The following RERE variants were observed in gnomAD, a reference collection of about 807,000 sequenced individuals.
RERE encodes arginine-glutamic acid dipeptide repeats protein.
In RERE, 40 loss-of-function variants were observed where a neutral mutation model predicts 146.1. The ratio of observed to expected loss-of-function variants is 0.27; its 90% CI spans 0.21 to 0.36. The LOEUF is 0.36. Among genes scored for constraint, RERE ranks in the 10% least tolerant of loss-of-function variants. The pLI is 1.00. For missense variants in RERE, 1,933 were observed against 2,138.7 expected, an observed-to-expected ratio of 0.90 and a Z score of 1.90; for synonymous variants, 1,003 against 866.0, an observed-to-expected ratio of 1.16 and a Z score of -2.78.
At chr1:8,390,016 G>A (rs534949203) in intron 12 of RERE, among the ~76,000 whole-genome samples, 27 of 152,198 alleles carry the variant, frequency 1.8e-4, no homozygotes, top group Non-Finnish European at 3.5e-4. Context: ...AATACATCAC[G>A]GGTTAAGAAC....
chr1:8,358,323 C>T lies in RERE; in HGVS notation c.4212G>A (p.Glu1404=). 1.2e-6 allele frequency: 2 copies of T among 1,613,584 alleles called. No individual in the cohort carries two copies. Among genetic ancestry groups the T allele is most frequent in the South Asian group, 2.2e-5 (2 of 91,086 alleles). ...DRLAAERIHA[E]RMASLTSDPL... ...GATCGCTGGTCAGCGATGCCATGCG[C>T]TCTGCGTGGATACGCTCGGCTGCCA... Residue 1404 remains glutamate, a synonymous_variant, in exon 20 of 23, where the codon GAG becomes GAA. Coordinates refer to ENST00000400908, the MANE Select transcript of RERE (RefSeq NM_001042681.2).
At chr1:8,402,340 A>G (rs1643290933) in intron 12 of RERE, among the ~76,000 whole-genome samples, 1 of 152,204 alleles carries the variant, frequency 6.6e-6, no homozygotes, top group Non-Finnish European at 1.5e-5. Context: ...AAATGTGAGT[A>G]AAGAAGATCA....
At chr1:8,597,335 C>T (rs558542656) in intron 4 of RERE, among the ~76,000 whole-genome samples, 15 of 152,162 alleles carry the variant, frequency 9.9e-5, no homozygotes, top group African/African-American at 3.1e-4. Context: ...GCAATCCACC[C>T]GCTGCCTCAG....
intron 1 of RERE, among the ~76,000 whole-genome samples, chr1:8,710,666 C>A (rs1457549523): frequency 6.6e-6 from 1 of 152,046 alleles, no homozygotes; most frequent in Non-Finnish European, 1.5e-5. Flanking sequence ...CTACAGGTGC[C>A]CACCACGCCC....
In RERE at chr1:8,558,022, T is replaced by A. The variant is rs559531549; in HGVS notation, c.523-499A>T. Among the ~76,000 whole-genome samples, 3 of 152,246 alleles carry A rather than the reference T, an allele frequency of 2.0e-5. No individual in the cohort carries two copies. The South Asian group carries it at 6.2e-4, about 32-fold the overall frequency. ...AGGTTTGCCTATTACCCAGACTAAA[T>A]CAGATTCTCCTTCCACTGTTTAGCC... is the stretch of plus-strand genomic sequence containing the variant. On this transcript the variant is annotated intron_variant, in intron 4 of 22. Transcript: ENST00000400908.
chr1:8,756,674 A>G (rs879823198), intron 1 of RERE, among the ~76,000 whole-genome samples: 2 of 152,220 alleles, frequency 1.3e-5, no homozygotes, highest in Non-Finnish European at 2.9e-5. Context: ...ATCTTTTTGA[A>G]AGTTTTCTTT....
intron 3 of RERE, among the ~76,000 whole-genome samples, chr1:8,615,108 G>C (rs1483645206): frequency 6.6e-6 from 1 of 152,228 alleles, no homozygotes. Context: ...TCTAATGACA[G>C]AAGCTAGAGA....
At chr1:8,775,337 C>T (rs919777489) in intron 1 of RERE, among the ~76,000 whole-genome samples, 13 of 152,012 alleles carry the variant, frequency 8.6e-5, no homozygotes, top group African/African-American at 2.7e-4. Context: ...TTTGGGAGGC[C>T]GAAGCAGGAA....
chr1:8,731,834 G>C, intron 1 of RERE, among the ~76,000 whole-genome samples: 1 of 151,940 alleles, frequency 6.6e-6, no homozygotes, highest in East Asian at 1.9e-4. Context: ...GAAGAGTCTT[G>C]CGCTGTCACC....
At chr1:8,706,000 C>CA (rs1252393448) in intron 1 of RERE, among the ~76,000 whole-genome samples, 1 of 150,830 alleles carries the variant, frequency 6.6e-6, no homozygotes, top group Non-Finnish European at 1.5e-5. Context: ...CCTGTAGTCC[C>CA]AGCTACTAGG....
intron 11 of RERE, among the ~76,000 whole-genome samples, chr1:8,455,575 G>A (rs1365146708): frequency 6.6e-6 from 1 of 152,110 alleles, no homozygotes; most frequent in Non-Finnish European, 1.5e-5. Context: ...CTACTGAGAG[G>A]AAAAGAACAG....
At chr1:8,607,534 C>CTTTTTTTTTTATTTTTTTTTTTTTT (rs1646733684) in intron 4 of RERE, among the ~76,000 whole-genome samples, 1 of 48,584 alleles carries the variant, frequency 2.1e-5, no homozygotes, top group Non-Finnish European at 3.5e-5. Context: ...ATATATATTT[C>CTTTTTTTTTTATTTTTTTTTTTTTT]TTTTTTTTTT....
At chr1:8,746,263 T>C (rs1437940041) in intron 1 of RERE, among the ~76,000 whole-genome samples, 1 of 152,210 alleles carries the variant, frequency 6.6e-6, no homozygotes, top group Non-Finnish European at 1.5e-5. Flanking sequence ...CTTTTGTCTG[T>C]TTAACAAAGC....
At chr1:8,802,977 T>C (rs1434205155) in intron 1 of RERE, among the ~76,000 whole-genome samples, 1 of 152,166 alleles carries the variant, frequency 6.6e-6, no homozygotes, top group Admixed American at 6.6e-5. Context: ...GCAATAACTA[T>C]GGGTTCTAAG....
chr1:8,535,134 T>A (rs1446957816), intron 7 of RERE, among the ~76,000 whole-genome samples: 1 of 151,770 alleles, frequency 6.6e-6, no homozygotes, highest in South Asian at 2.1e-4. Flanking sequence ...AACATAATAA[T>A]ACTCCATTGC....
chr1:8,722,514 ATCT>A (rs1639882907), intron 1 of RERE, among the ~76,000 whole-genome samples: 1 of 152,238 alleles, frequency 6.6e-6, no homozygotes, highest in Non-Finnish European at 1.5e-5. Flanking sequence ...GTTAAGTAAC[ATCT>A]GTTCAATAAA....
intron 1 of RERE, among the ~76,000 whole-genome samples, chr1:8,683,802 C>T (rs980281300): frequency 2.6e-5 from 4 of 151,950 alleles, no homozygotes; most frequent in Admixed American, 6.6e-5. Flanking sequence ...ATAAGCCGGG[C>T]AGGGTGGGGC....
intron 1 of RERE, among the ~76,000 whole-genome samples, chr1:8,755,990 A>G (rs773961000): frequency 6.6e-6 from 1 of 152,154 alleles, no homozygotes; most frequent in Non-Finnish European, 1.5e-5. Flanking sequence ...AAAGGAAAAA[A>G]GTCAATTAAA....
chr1:8,423,656 G>A lies in RERE; in HGVS notation c.1204-849C>T. ...GGCAAGAGGCCGTCGCCTGTCACTG[G>A]GCTCCGGCTCCACAAAGCGCAGGGC... On this transcript the variant is annotated intron_variant, in intron 11 of 22. Transcript: ENST00000400908. This position sits in a 1 kb window ranked among gnomAD's most constrained non-coding sequence, Gnocchi z 5.4. 1 of 984,506 alleles carries A rather than the reference G, an allele frequency of 1.0e-6. No homozygotes were observed. Among genetic ancestry groups the A allele is most frequent in the Non-Finnish European group, 1.2e-6 (1 of 829,698 alleles). The allele number at this position is 984,506 out of a possible 1,614,324, so 61.0% of individuals were successfully genotyped here.
Sources: allele counts gnomAD v4.1 joint callset (sites outside exome capture counted in the v4.1 genomes callset), GRCh38; gene constraint gnomAD v4.1.1; non-coding constraint Gnocchi (gnomAD v3.1); transcripts MANE v1.5; gene names NCBI Gene and HGNC (gene_info 2026-07-23, HGNC 2026-07-21).